Variants in POLN observed in about 807,000 individuals in gnomAD.
The protein encoded by POLN is DNA polymerase nu.
A neutral mutation model predicts 113.5 loss-of-function variants in POLN; 108 were observed. The ratio of observed to expected loss-of-function variants is 0.95; its 90% CI spans 0.81 to 1.12. The LOEUF is 1.12. Ranked by LOEUF, POLN falls within the 50% of genes most tolerant of loss-of-function variation. POLN has a pLI of 0.00. For synonymous variants in POLN, 386 were observed against 391.5 expected, an observed-to-expected ratio of 0.99 and a Z score of 0.17; for missense variants, 1,097 against 1,077.1, an observed-to-expected ratio of 1.02 and a Z score of -0.26.
Position 2,199,950 on chromosome 4 carries a change from C to T in POLN, c.715-1233G>A, listed in dbSNP as rs374101582. Among the ~76,000 whole-genome samples, 3 of 151,874 alleles carry T rather than the reference C, an allele frequency of 2.0e-5. No homozygotes were observed. In the East Asian group the frequency reaches 5.8e-4, roughly 29 times the overall value. On this transcript the variant is annotated intron_variant, in intron 5 of 25. Coordinates refer to ENST00000511885, the MANE Select transcript of POLN (RefSeq NM_181808.4). Reference sequence around the variant, plus strand: ...CTAACATTCTTTAACCAGCAAAATGCCTTTAAAAAAATGAAAGGTAAAGCA... The same window carrying T: ...CTAACATTCTTTAACCAGCAAAATGTCTTTAAAAAAATGAAAGGTAAAGCA...
At chr4:2,101,215 A>C (rs747781920) in intron 19 of POLN, among the ~76,000 whole-genome samples, 1 of 152,228 alleles carries the variant, frequency 6.6e-6, no homozygotes, top group African/African-American at 2.4e-5. Flanking sequence ...CATAAATAGG[A>C]GTGTGTTGAA....
intron 3 of POLN, among the ~76,000 whole-genome samples, chr4:2,221,587 T>C (rs1035189101): frequency 6.6e-6 from 1 of 152,146 alleles, no homozygotes; most frequent in Non-Finnish European, 1.5e-5. Flanking sequence ...TACTTTTTGT[T>C]TGTTTTTGAA....
intron 9 of POLN, 95 bp downstream of exon 9, chr4:2,176,171 T>A (rs926609120): frequency 2.1e-6 from 2 of 963,102 alleles, no homozygotes; most frequent in Non-Finnish European, 3.3e-6. Flanking sequence ...ACGTTTCGTT[T>A]CCTTCACATT....
At chr4:2,234,054 A>G (rs1467095688) in intron 2 of POLN, among the ~76,000 whole-genome samples, 10 of 152,222 alleles carry the variant, frequency 6.6e-5, no homozygotes, top group Admixed American at 6.5e-4. Flanking sequence ...AGAGCAAACA[A>G]AAGAAAAAAA....
At chr4:2,103,941 C>A (rs1175646663) in intron 19 of POLN, among the ~76,000 whole-genome samples, 1 of 152,230 alleles carries the variant, frequency 6.6e-6, no homozygotes, top group Non-Finnish European at 1.5e-5. Context: ...TTTGTCACCA[C>A]TAGACCGGCC....
At position 2,173,979 on chromosome 4, in the gene POLN, C is replaced by T. The variant is rs1440282567; in HGVS notation, c.1350G>A (p.Met450Ile). The change falls in exon 11 of 26, where the codon ATG (methionine) becomes ATA (isoleucine). Residue 450 changes from methionine (M) to isoleucine (I), a missense_variant. Met to Ile is a conservative substitution (Grantham distance 10, BLOSUM62 1). Transcript: ENST00000511885. ...CCCCAAGAAGTGCTGACGTCTTCTC[C>T]ATCTCCTCTTTGTTCACCTGAATGG... ...SHAIQVNKEE[M>I]EKTSALLGAR... 2 of 1,614,228 alleles carry T rather than the reference C, an allele frequency of 1.2e-6. No homozygotes were observed. The highest frequency in any genetic ancestry group is 1.7e-6 in the Non-Finnish European group (2 of 1,180,024).
chr4:2,167,132 C>T (rs147582373), intron 13 of POLN, among the ~76,000 whole-genome samples: 94 of 152,286 alleles, frequency 6.2e-4, no homozygotes, highest in Middle Eastern at 3.4e-3. Flanking sequence ...GTCCTGCTCA[C>T]GGCTGTATCC....
intron 3 of POLN, among the ~76,000 whole-genome samples, chr4:2,217,378 C>T (rs1734138225): frequency 6.6e-6 from 1 of 151,062 alleles, no homozygotes; most frequent in Admixed American, 6.6e-5. Flanking sequence ...CTTAAGGCTG[C>T]CCCCGTCAGA....
rs770168907 is a variant in POLN, at chr4:2,240,360, G to A, written c.-13+1160C>T. 1.6e-5 allele frequency: 25 copies of A among 1,602,524 alleles called. No homozygotes were observed. The highest frequency in any genetic ancestry group is 2.2e-5 in the South Asian group (2 of 90,278). ...TAGGTATTTTTCCAAGGAAAATTGC[G>A]ATAAAAATACCAGTGGATTTGTCCC... On this transcript the variant is annotated intron_variant, in intron 2 of 25. Transcript: ENST00000511885.
intron 3 of POLN, among the ~76,000 whole-genome samples, chr4:2,216,330 T>C (rs116678194): frequency 0.034 from 5,173 of 152,310 alleles, 123 homozygotes; most frequent in Middle Eastern, 0.17. Flanking sequence ...GATTTCTAAG[T>C]GGGTCACTGG....
intron 3 of POLN, 80 bp downstream of exon 3, chr4:2,229,019 T>C: frequency 7.2e-7 from 1 of 1,398,270 alleles, no homozygotes; most frequent in Non-Finnish European, 9.8e-7. Context: ...TCTACATGCA[T>C]TCCATTTTCA....
intron 13 of POLN, among the ~76,000 whole-genome samples, chr4:2,160,120 GTCATCACTGGTGT>G (rs1732543000): frequency 1.3e-5 from 2 of 152,178 alleles, no homozygotes; most frequent in Admixed American, 6.5e-5. Flanking sequence ...GCCAATGTAT[GTCATCACTGGTGT>G]TAATTTTAGC....
At chr4:2,199,876 C>T (rs1733669627) in intron 5 of POLN, among the ~76,000 whole-genome samples, 1 of 152,130 alleles carries the variant, frequency 6.6e-6, no homozygotes, top group South Asian at 2.1e-4. Flanking sequence ...CACACCCAGC[C>T]AACAGTTGAG....
In POLN at chr4:2,176,265, C is replaced by A. The variant is rs767006917; in HGVS notation, c.1248+1G>T. The A allele has an allele frequency of 4.7e-5, 75 of 1,602,604 alleles. No individual in the cohort carries two copies. The highest frequency in any genetic ancestry group is 1.0e-4 in the Admixed American group (6 of 58,554). On this transcript the variant is annotated splice_donor_variant, in intron 9 of 25. Coordinates refer to ENST00000511885, the MANE Select transcript of POLN (RefSeq NM_181808.4). LOFTEE classifies it high-confidence loss of function. ...CCAGAAATTATAATAAAATGCCTTG[C>A]CTTCAGTTTAGAGCAAAGGTCCATT...
intron 7 of POLN, among the ~76,000 whole-genome samples, chr4:2,185,651 C>G (rs559757687): frequency 1.2e-3 from 176 of 152,264 alleles, no homozygotes; most frequent in African/African-American, 4.0e-3. Context: ...GAGGCTGAGT[C>G]AGGAGAATTG....
intron 21 of POLN, among the ~76,000 whole-genome samples, chr4:2,085,261 G>C (rs1465882213): frequency 6.6e-6 from 1 of 152,092 alleles, no homozygotes; most frequent in Non-Finnish European, 1.5e-5. Flanking sequence ...AATTTGTTTG[G>C]GTTTCCTTCA....
chr4:2,081,160 T>G, intron 22 of POLN, 124 bp from the exon 23 acceptor site: 1 of 1,597,524 alleles, frequency 6.3e-7, no homozygotes, highest in Non-Finnish European at 8.5e-7. Flanking sequence ...CTGAGCTGTC[T>G]GAGTGCCAGG....
intron 7 of POLN, among the ~76,000 whole-genome samples, chr4:2,192,665 TA>T (rs1039309419): frequency 2.4e-4 from 36 of 151,850 alleles, no homozygotes; most frequent in Non-Finnish European, 4.4e-4. Context: ...AAAAAGTTAT[TA>T]AAAAAACTTT....
Position 2,201,304 on chromosome 4 carries a change from C to T in POLN, c.715-2587G>A, listed in dbSNP as rs1187304384. ...AAAAAAAAAAAAAAAAAAAAAAAAACGAGGGGAGAAATTTTCAATGAAATA... is the reference window on the plus strand; with the variant it reads ...AAAAAAAAAAAAAAAAAAAAAAAAATGAGGGGAGAAATTTTCAATGAAATA... On this transcript the variant is annotated intron_variant, in intron 5 of 25. Transcript: ENST00000511885. Among the ~76,000 whole-genome samples the T allele has an allele frequency of 8.5e-5, 3 of 35,324 alleles. 1 individual carries two copies. Among genetic ancestry groups the T allele is most frequent in the Non-Finnish European group, 1.6e-4 (3 of 18,608 alleles). The allele number at this position is 35,324 out of a possible 152,430, so 23.2% of individuals were successfully genotyped here.
Sources: gnomAD v4.1 joint callset for allele counts (sites outside exome capture counted in the v4.1 genomes callset) on GRCh38, gnomAD v4.1.1 for gene constraint, MANE v1.5 for transcripts, NCBI Gene and HGNC (gene_info 2026-07-23, HGNC 2026-07-21) for gene names.